Variants in SPINK8 observed in about 807,000 individuals in gnomAD.
SPINK8 encodes serine protease inhibitor Kazal-type 8.
SPINK8 carries 12 observed loss-of-function variants against 14.4 expected under a neutral mutation model. That is an observed-to-expected ratio of 0.83 (90% CI 0.53 to 1.35). The LOEUF is 1.35. Among genes scored for constraint, SPINK8 ranks in the 40% most tolerant of loss-of-function variants. SPINK8 has a pLI of 0.00. For missense variants in SPINK8, 103 were observed against 117.0 expected, an observed-to-expected ratio of 0.88 and a Z score of 0.55; for synonymous variants, 32 against 37.6, an observed-to-expected ratio of 0.85 and a Z score of 0.55.
intron 4 of SPINK8, among the ~76,000 whole-genome samples, chr3:48,323,345 C>T (rs994934448): frequency 2.2e-4 from 34 of 152,118 alleles, no homozygotes; most frequent in Middle Eastern, 3.4e-3. Context: ...GTGATCTGCC[C>T]GCCTCAGCCT....
At chr3:48,313,068 C>A (rs901089757) in intron 6 of SPINK8, among the ~76,000 whole-genome samples, 1 of 151,390 alleles carries the variant, frequency 6.6e-6, no homozygotes, top group East Asian at 1.9e-4. Context: ...AATCTTTATG[C>A]CTTTGGATTT....
chr3:48,331,988 G>A (rs1312184421), intron 2 of SPINK8, among the ~76,000 whole-genome samples: 1 of 152,230 alleles, frequency 6.6e-6, no homozygotes, highest in Non-Finnish European at 1.5e-5. Flanking sequence ...AGTGGCTTCT[G>A]ACTCAGAGGA....
At chr3:48,311,062 A>G (rs1228262244) in intron 6 of SPINK8, among the ~76,000 whole-genome samples, 1 of 148,938 alleles carries the variant, frequency 6.7e-6, no homozygotes, top group African/African-American at 2.5e-5. Context: ...CTTTATCCCA[A>G]GAATTCAGAG....
chr3:48,312,736 C>T lies in SPINK8; in HGVS notation c.240-2790G>A, dbSNP rs980343106. Among the ~76,000 whole-genome samples the T allele has an allele frequency of 7.2e-5, 11 of 151,812 alleles. No homozygotes were observed. The South Asian group carries it at 1.0e-3, about 14-fold the overall frequency. On this transcript the variant is annotated intron_variant, in intron 6 of 7. Transcript: ENST00000434006. ...CAATGGGGCCGGGCGTGGTGGCTCA[C>T]GCCTGTAATCCCAGCACTTTGGGAG... is the stretch of plus-strand genomic sequence containing the variant.
intron 7 of SPINK8, among the ~76,000 whole-genome samples, chr3:48,307,482 A>C (rs1252807520): frequency 3.4e-5 from 4 of 119,160 alleles, no homozygotes; most frequent in Admixed American, 9.8e-5. Flanking sequence ...CTCCATTTTC[A>C]TGTCTTCTTT....
chr3:48,330,520 G>GT (rs1394264129), intron 2 of SPINK8, among the ~76,000 whole-genome samples: 1 of 152,038 alleles, frequency 6.6e-6, no homozygotes, highest in African/African-American at 2.4e-5. Context: ...CTGTCTTTTT[G>GT]TTTTTCAGTT....
intron 4 of SPINK8, among the ~76,000 whole-genome samples, chr3:48,327,605 T>C (rs2036163386): frequency 6.6e-6 from 1 of 152,006 alleles, no homozygotes; most frequent in Non-Finnish European, 1.5e-5. Flanking sequence ...TGAGGAAGTG[T>C]AGAAATATAC....
chr3:48,308,235 A>G (rs915478996), intron 7 of SPINK8, among the ~76,000 whole-genome samples: 7 of 151,888 alleles, frequency 4.6e-5, no homozygotes, highest in African/African-American at 1.7e-4. Context: ...TGGCCTCCCA[A>G]AGTGCTGGGA....
At chr3:48,330,558 C>T (rs535912337) in intron 2 of SPINK8, among the ~76,000 whole-genome samples, 26 of 152,122 alleles carry the variant, frequency 1.7e-4, no homozygotes, top group Non-Finnish European at 3.4e-4. Flanking sequence ...GGAAACAGAG[C>T]TCCCATATGA....
intron 7 of SPINK8, 36 bp downstream of exon 7, chr3:48,309,868 C>G: frequency 6.9e-7 from 1 of 1,443,422 alleles, no homozygotes; most frequent in Non-Finnish European, 9.1e-7. Flanking sequence ...ATCTAGTTTA[C>G]TTCTAAAAAT....
At chr3:48,330,930 G>C (rs958915863) in intron 2 of SPINK8, among the ~76,000 whole-genome samples, 7 of 151,918 alleles carry the variant, frequency 4.6e-5, no homozygotes, top group Non-Finnish European at 7.4e-5. Context: ...CTGCTCAACT[G>C]GGGCATAGTA....
intron 6 of SPINK8, among the ~76,000 whole-genome samples, chr3:48,312,039 C>T (rs980073843): frequency 2.6e-5 from 4 of 151,710 alleles, no homozygotes; most frequent in African/African-American, 9.7e-5. Context: ...GAGGCTGAGG[C>T]AGGAGGATTG....
At chr3:48,313,086 G>T (rs775150747) in intron 6 of SPINK8, among the ~76,000 whole-genome samples, 4 of 152,000 alleles carry the variant, frequency 2.6e-5, no homozygotes, top group East Asian at 3.9e-4. Flanking sequence ...TTTTACAGTG[G>T]TTTTTTGGGT....
At chr3:48,329,475 A>T (rs1231133836) in intron 2 of SPINK8, among the ~76,000 whole-genome samples, 1 of 152,224 alleles carries the variant, frequency 6.6e-6, no homozygotes, top group Non-Finnish European at 1.5e-5. Flanking sequence ...GACATATGTC[A>T]TAGACAATTT....
At chr3:48,332,187 T>C (rs1019776795) in intron 2 of SPINK8, among the ~76,000 whole-genome samples, 179 bp downstream of exon 2, 4 of 152,234 alleles carry the variant, frequency 2.6e-5, no homozygotes, top group Admixed American at 2.6e-4. Context: ...AAAGTCCACT[T>C]GCCTGAAGGC....
intron 6 of SPINK8, among the ~76,000 whole-genome samples, chr3:48,318,858 G>A (rs1245310255): frequency 6.6e-6 from 1 of 152,142 alleles, no homozygotes; most frequent in African/African-American, 2.4e-5. Flanking sequence ...CAAGGGTGTG[G>A]CTTTTCTCCT....
chr3:48,315,727 A>AAAAAAAAAG, intron 6 of SPINK8, among the ~76,000 whole-genome samples: 1 of 149,320 alleles, frequency 6.7e-6, no homozygotes, highest in Non-Finnish European at 1.5e-5. Flanking sequence ...TCTCAAAAAA[A>AAAAAAAAAG]AAAAAAAAAA....
At chr3:48,310,737 G>A (rs944242734) in intron 6 of SPINK8, among the ~76,000 whole-genome samples, 2 of 152,222 alleles carry the variant, frequency 1.3e-5, no homozygotes, top group Admixed American at 1.3e-4. Context: ...GACCTCAGGT[G>A]ATCCACCCGC....
chr3:48,319,448 C>T lies in SPINK8; in HGVS notation c.239+49G>A, dbSNP rs1176328030. 4.3e-6 allele frequency: 7 copies of T among 1,611,224 alleles called. 1 individual carries two copies. Among genetic ancestry groups the T allele is most frequent in the Middle Eastern group, 3.3e-4 (2 of 6,030 alleles). Reference sequence around the variant, plus strand: ...TGAGGTCATCACCCTCTTTTGACCACTCTTAACCTCTTGACTTGAAAGAAA... The same window carrying T: ...TGAGGTCATCACCCTCTTTTGACCATTCTTAACCTCTTGACTTGAAAGAAA... On this transcript the variant is annotated intron_variant, in intron 6 of 7. Transcript: ENST00000434006.
Sources: allele counts gnomAD v4.1 joint callset (sites outside exome capture counted in the v4.1 genomes callset), GRCh38; gene constraint gnomAD v4.1.1; transcripts MANE v1.5; gene names NCBI Gene and HGNC (gene_info 2026-07-23, HGNC 2026-07-21).